GPC5: variants seen among roughly 807,000 people sequenced by gnomAD.
GPC5 encodes glypican-5.
Under a neutral mutation model 53.9 loss-of-function variants are expected in GPC5, and 47 were observed. The observed-to-expected ratio is 0.87, with a 90% CI of 0.69 to 1.11. The LOEUF (loss-of-function observed/expected upper bound fraction) is 1.11. Among genes scored for constraint, GPC5 ranks in the 50% most tolerant of loss-of-function variants. The pLI is 0.00. For synonymous variants in GPC5, 286 were observed against 263.3 expected (o/e 1.09, Z -0.84); for missense variants, 748 against 713.1 (o/e 1.05, Z -0.56).
At chr13:92,633,824 G>C (rs1885333274) in intron 7 of GPC5, among the ~76,000 whole-genome samples, 1 of 151,900 alleles carries the variant, frequency 6.6e-6, no homozygotes, top group Non-Finnish European at 1.5e-5. Flanking sequence ...AGAATGCATT[G>C]TTTCTCACCA....
At chr13:92,661,346 AAT>A (rs1555300248) in intron 7 of GPC5, among the ~76,000 whole-genome samples, 4 of 152,128 alleles carry the variant, frequency 2.6e-5, no homozygotes, top group Admixed American at 2.6e-4. Flanking sequence ...GAAAAAAAAA[AAT>A]AGACAATTAT....
intron 7 of GPC5, among the ~76,000 whole-genome samples, chr13:92,291,668 G>A (rs548996379): frequency 1.1e-4 from 17 of 152,256 alleles, no homozygotes; most frequent in South Asian, 4.2e-4. Flanking sequence ...CCACAATGTC[G>A]AAGCTTTGTT....
chr13:91,425,359 G>T (rs571616082), intron 1 of GPC5, among the ~76,000 whole-genome samples: 113 of 152,262 alleles, frequency 7.4e-4, no homozygotes, highest in African/African-American at 2.6e-3. Context: ...TAGGCTTTGT[G>T]CCCCTACCCA....
intron 7 of GPC5, among the ~76,000 whole-genome samples, chr13:92,175,168 C>T (rs910231818): frequency 2.0e-5 from 3 of 152,160 alleles, no homozygotes; most frequent in Non-Finnish European, 4.4e-5. Flanking sequence ...TTGATTTTTT[C>T]ATTAGAATTT....
chr13:92,598,885 T>C lies in GPC5; in HGVS notation c.1562-267397T>C, dbSNP rs112924770. On this transcript the variant is annotated intron_variant, in intron 7 of 7. Transcript: ENST00000377067. ...TACAAAAATTAGCTGGGTGTGGTGG[T>C]GGGCACCTGTAATCCCAGCTACTTT... Among the ~76,000 whole-genome samples, 960 of 152,198 alleles carry C rather than the reference T, an allele frequency of 6.3e-3. 12 individuals are homozygous for C. The highest frequency in any genetic ancestry group is 0.022 in the African/African-American group (915 of 41,526).
chr13:92,331,362 GTCTTC>G (rs2043286799), intron 7 of GPC5, among the ~76,000 whole-genome samples: 1 of 152,034 alleles, frequency 6.6e-6, no homozygotes, highest in South Asian at 2.1e-4. Flanking sequence ...TCTCATCTGG[GTCTTC>G]TCTTTGTCTC....
At chr13:91,578,633 G>A (rs1468522314) in intron 2 of GPC5, among the ~76,000 whole-genome samples, 9 of 150,384 alleles carry the variant, frequency 6.0e-5, no homozygotes, top group African/African-American at 2.2e-4. Context: ...GTTTCTAGAA[G>A]GAAAAATGTG....
intron 7 of GPC5, among the ~76,000 whole-genome samples, chr13:92,755,656 C>A (rs1252390749): frequency 7.2e-6 from 1 of 138,988 alleles, no homozygotes; most frequent in African/African-American, 2.6e-5. Flanking sequence ...ATATCACCAC[C>A]GATCCCACAG....
At chr13:92,649,751 G>A (rs1174455651) in intron 7 of GPC5, among the ~76,000 whole-genome samples, 2 of 152,074 alleles carry the variant, frequency 1.3e-5, no homozygotes, top group South Asian at 2.1e-4. Context: ...CTCCTTGTCA[G>A]TAAAGTAAGA....
In GPC5 at chr13:91,489,052, C is replaced by T. The variant is rs139954700; in HGVS notation, c.325+40130C>T. 9.1e-3 allele frequency among the ~76,000 whole-genome samples: 1,383 copies of T among 152,218 alleles called. 21 individuals are homozygous for T. Among genetic ancestry groups the T allele is most frequent in the African/African-American group, 0.031 (1,299 of 41,544 alleles). Reference sequence around the variant, plus strand: ...CCCACCTAATAAATTTTGGTCAGACCGGTTGTCTGCTCTCAAACCCTGTCT... The same window carrying T: ...CCCACCTAATAAATTTTGGTCAGACTGGTTGTCTGCTCTCAAACCCTGTCT... On this transcript the variant is annotated intron_variant, in intron 2 of 7. Coordinates refer to ENST00000377067, the MANE Select transcript of GPC5 (RefSeq NM_004466.6).
At chr13:92,289,093 A>G in intron 7 of GPC5, among the ~76,000 whole-genome samples, 1 of 152,092 alleles carries the variant, frequency 6.6e-6, no homozygotes, top group African/African-American at 2.4e-5. Flanking sequence ...ATTACCAAAA[A>G]AAAAAAAGCC....
chr13:91,852,680 A>G (rs908866961), intron 5 of GPC5, among the ~76,000 whole-genome samples: 7 of 152,176 alleles, frequency 4.6e-5, no homozygotes, highest in Admixed American at 3.3e-4. Context: ...GTTTATTTAC[A>G]CCAGCCTCAC....
chr13:91,550,849 TA>T (rs2030596026), intron 2 of GPC5, among the ~76,000 whole-genome samples: 1 of 152,108 alleles, frequency 6.6e-6, no homozygotes, highest in Admixed American at 6.6e-5. Flanking sequence ...TATAGTTTTA[TA>T]AATGGGAGTT....
intron 6 of GPC5, among the ~76,000 whole-genome samples, chr13:91,927,623 TTCAATC>T (rs1357489293): frequency 6.6e-6 from 1 of 152,190 alleles, no homozygotes; most frequent in African/African-American, 2.4e-5. Context: ...TAGTTCTAGT[TTCAATC>T]TAGGAAGAAC....
At chr13:92,410,698 T>C (rs1359872537) in intron 7 of GPC5, among the ~76,000 whole-genome samples, 2 of 152,210 alleles carry the variant, frequency 1.3e-5, no homozygotes, top group African/African-American at 4.8e-5. Context: ...GCATATAATA[T>C]AAAACCACTT....
At chr13:92,362,500 T>C (rs1335632467) in intron 7 of GPC5, among the ~76,000 whole-genome samples, 1 of 151,820 alleles carries the variant, frequency 6.6e-6, no homozygotes, top group Admixed American at 6.5e-5. Flanking sequence ...AAGATTTTGT[T>C]CTATGACGAA....
chr13:92,305,506 C>A (rs2043104998), intron 7 of GPC5, among the ~76,000 whole-genome samples: 1 of 151,900 alleles, frequency 6.6e-6, no homozygotes, highest in East Asian at 1.9e-4. Context: ...TTCCTTCACA[C>A]AGAGTTATTA....
At chr13:91,456,303 T>C (rs969823840) in intron 2 of GPC5, among the ~76,000 whole-genome samples, 3 of 152,192 alleles carry the variant, frequency 2.0e-5, no homozygotes, top group Admixed American at 1.3e-4. Context: ...TCTTTTTTTT[T>C]AGTATTAGTT....
intron 7 of GPC5, among the ~76,000 whole-genome samples, chr13:92,242,264 A>G (rs963694387): frequency 6.6e-6 from 1 of 151,478 alleles, no homozygotes; most frequent in Non-Finnish European, 1.5e-5. Context: ...TATTCAGTTC[A>G]CCAAGCCCAC....
Sources: allele counts gnomAD v4.1 joint callset (sites outside exome capture counted in the v4.1 genomes callset), GRCh38; gene constraint gnomAD v4.1.1; transcripts MANE v1.5; gene names NCBI Gene and HGNC (gene_info 2026-07-23, HGNC 2026-07-21).